Variants in RAD50 observed in about 807,000 individuals in gnomAD.
RAD50 encodes the protein RAD50 double strand break repair protein.
Under a neutral mutation model 168.8 loss-of-function variants are expected in RAD50, and 132 were observed. The observed-to-expected ratio is 0.78, with a 90% CI of 0.68 to 0.90. The LOEUF is 0.90. Ranked by LOEUF, RAD50 falls within the 40% of genes least tolerant of loss-of-function variation. The pLI, the probability that RAD50 is intolerant of heterozygous loss-of-function variation, is 0.00. For synonymous variants in RAD50, 525 were observed against 497.4 expected (o/e 1.06, Z -0.74); for missense variants, 1,347 against 1,534.4 (o/e 0.88, Z 2.04).
intron 21 of RAD50, among the ~76,000 whole-genome samples, chr5:132,634,745 TAAGA>T (rs1751541545): frequency 6.6e-6 from 1 of 152,194 alleles, no homozygotes. Flanking sequence ...ATTTTTCACT[TAAGA>T]TATTTTATCA....
At chr5:132,568,015 A>G (rs1474203123) in intron 2 of RAD50, among the ~76,000 whole-genome samples, 1 of 152,192 alleles carries the variant, frequency 6.6e-6, no homozygotes, top group South Asian at 2.1e-4. Context: ...GAGTAGAAGC[A>G]GATCCAGAGA....
At chr5:132,565,552 C>T (rs1031698172) in intron 2 of RAD50, among the ~76,000 whole-genome samples, 19 of 152,060 alleles carry the variant, frequency 1.2e-4, no homozygotes, top group African/African-American at 2.4e-4. Flanking sequence ...CCTCATTCCC[C>T]GCCCTTCTCT....
At chr5:132,606,770 C>G (rs1750993028) in intron 16 of RAD50, among the ~76,000 whole-genome samples, 1 of 152,190 alleles carries the variant, frequency 6.6e-6, no homozygotes, top group South Asian at 2.1e-4. Flanking sequence ...GCTTATCCAC[C>G]ACGATCAAGT....
rs556433563 is a variant in RAD50, at chr5:132,614,692, ATTAC to A, written c.3037-1308_3037-1305del. Among the ~76,000 whole-genome samples, 348 of 151,926 alleles carry A rather than the reference ATTAC, an allele frequency of 2.3e-3. 1 individual carries two copies. The highest frequency in any genetic ancestry group is 3.8e-3 in the Non-Finnish European group (261 of 67,950). On this transcript the variant is annotated intron_variant, in intron 19 of 24. Coordinates refer to ENST00000378823, the MANE Select transcript of RAD50 (RefSeq NM_005732.4). The stretch of plus-strand genomic sequence containing the variant: ...TAAATTTGTATTTTTTTATTGTACT[ATTAC>A]TTTTTATTTTTTTTCCCCAATATTT...
intron 13 of RAD50, 32 bp from the exon 14 acceptor site, chr5:132,603,268 A>T: frequency 6.4e-7 from 1 of 1,558,100 alleles, no homozygotes; most frequent in South Asian, 1.1e-5. Flanking sequence ...GAAACATCAG[A>T]TACTTTATTT....
intron 21 of RAD50, among the ~76,000 whole-genome samples, chr5:132,624,037 A>T (rs1751328946): frequency 6.6e-6 from 1 of 152,242 alleles, no homozygotes; most frequent in African/African-American, 2.4e-5. Flanking sequence ...GTTATTTTTT[A>T]AAAATAAATT....
In RAD50 at chr5:132,618,263, G is replaced by C. The variant is rs764770735; in HGVS notation, c.3358G>C (p.Asp1120His). ...GAGGACAACAGAACTTGTGAACAAGGATCTGGATATTTATTATAAGACTCT... is the reference window on the plus strand; with the variant it reads ...GAGGACAACAGAACTTGTGAACAAGCATCTGGATATTTATTATAAGACTCT... ...VMRTTELVNK[D>H]LDIYYKTLDQ... Residue 1120 changes from aspartate to histidine, a missense_variant, in exon 21 of 25, where the codon GAT becomes CAT. By Grantham distance (81) the Asp-to-His change is moderately conservative. Transcript: ENST00000378823. 37 of 1,613,890 alleles carry C rather than the reference G, an allele frequency of 2.3e-5. No individual in the cohort carries two copies. Among genetic ancestry groups the C allele is most frequent in the Non-Finnish European group, 3.1e-5 (36 of 1,179,966 alleles).
intron 2 of RAD50, among the ~76,000 whole-genome samples, chr5:132,568,378 C>T (rs957383897): frequency 2.0e-5 from 3 of 151,968 alleles, no homozygotes; most frequent in Non-Finnish European, 2.9e-5. Context: ...CCACGACGCC[C>T]GACCGGATTT....
At chr5:132,579,271 C>A in intron 3 of RAD50, 46 bp from the exon 4 acceptor site, 3 of 1,562,104 alleles carry the variant, frequency 1.9e-6, no homozygotes, top group Non-Finnish European at 2.6e-6. Context: ...AGAATAGATA[C>A]ACTGAAGGTT....
intron 13 of RAD50, among the ~76,000 whole-genome samples, chr5:132,602,078 T>C (rs1262494585): frequency 3.3e-5 from 5 of 152,070 alleles, no homozygotes; most frequent in Non-Finnish European, 7.4e-5. Flanking sequence ...TGTATACCTA[T>C]GTAACAAACC....
chr5:132,619,431 T>C (rs980336078), intron 21 of RAD50, among the ~76,000 whole-genome samples: 2 of 152,088 alleles, frequency 1.3e-5, no homozygotes, highest in Non-Finnish European at 2.9e-5. Flanking sequence ...ACAGAGTCTC[T>C]CTTTGTCACC....
chr5:132,605,536 G>T (rs557160279), intron 16 of RAD50, among the ~76,000 whole-genome samples: 2 of 152,050 alleles, frequency 1.3e-5, no homozygotes, highest in African/African-American at 4.8e-5. Context: ...CTAGAGACAG[G>T]GTCTCACTAT....
In RAD50 at chr5:132,643,061, C is replaced by A. The variant is rs1265574356; in HGVS notation, c.*697C>A. On this transcript the variant is annotated 3_prime_UTR_variant, in exon 25 of 25. Coordinates refer to ENST00000378823, the MANE Select transcript of RAD50 (RefSeq NM_005732.4). ...GAGAGGAAATTCTCCACTGTGCACACCCACCTTTGGAAAGCTCTGACCACT... is the reference window on the plus strand; with the variant it reads ...GAGAGGAAATTCTCCACTGTGCACAACCACCTTTGGAAAGCTCTGACCACT... 3.8e-6 allele frequency: 2 copies of A among 530,022 alleles called. No homozygotes were observed. The highest frequency in any genetic ancestry group is 3.8e-5 in the African/African-American group (2 of 52,788). 32.8% of individuals were successfully genotyped at this position (530,022 alleles called of 1,614,324 possible).
At chr5:132,558,714 CCCA>C in intron 1 of RAD50, among the ~76,000 whole-genome samples, 1 of 124,098 alleles carries the variant, frequency 8.1e-6, no homozygotes. Flanking sequence ...ACTCTCTCCC[CCCA>C]CAAAAAAAAA....
chr5:132,604,056 T>C lies in RAD50; in HGVS notation c.2524+10T>C, dbSNP rs564272433. 1 of 1,612,892 alleles carries C rather than the reference T, an allele frequency of 6.2e-7. No individual in the cohort carries two copies. Among genetic ancestry groups the C allele is most frequent in the East Asian group, 2.2e-5 (1 of 44,814 alleles). On this transcript the variant is annotated intron_variant, in intron 15 of 24. Transcript: ENST00000378823. ...CACAAGTTAGACACAGGTAATACAG[T>C]CTGTGTCCTTCTGTACTCATAGAGA... is the stretch of plus-strand genomic sequence containing the variant.
At chr5:132,627,793 G>A (rs1221016868) in intron 21 of RAD50, among the ~76,000 whole-genome samples, 1 of 152,192 alleles carries the variant, frequency 6.6e-6, no homozygotes, top group Non-Finnish European at 1.5e-5. Context: ...ACTGGCTGCT[G>A]GGTGTGGAGA....
At chr5:132,592,901 A>C (rs372728017) in intron 11 of RAD50, 6 of 470,944 alleles carry the variant, frequency 1.3e-5, no homozygotes, top group South Asian at 4.7e-5. Context: ...TTGGGCATCC[A>C]TCAAGTAGAA....
At position 132,573,813 on chromosome 5, in the gene RAD50, T is replaced by G. The variant is rs547904545; in HGVS notation, c.214-1964T>G. On this transcript the variant is annotated intron_variant, in intron 2 of 24. Coordinates refer to ENST00000378823, the MANE Select transcript of RAD50 (RefSeq NM_005732.4). ...CAAAACAAAGGGGCTACAGGCCCCG[T>G]GCAAGTCCGAAATTCAGTGGGGCAG... Among the ~76,000 whole-genome samples, 8 of 152,338 alleles carry G rather than the reference T, an allele frequency of 5.3e-5. No individual in the cohort carries two copies. The South Asian group carries it at 6.2e-4, about 12-fold the overall frequency.
intron 9 of RAD50, among the ~76,000 whole-genome samples, chr5:132,590,460 A>G (rs1750678611): frequency 2.6e-5 from 4 of 152,048 alleles, no homozygotes; most frequent in Non-Finnish European, 5.9e-5. Context: ...ACAGAGTGGG[A>G]CTCCATCTCA....
Sources: allele counts gnomAD v4.1 joint callset (sites outside exome capture counted in the v4.1 genomes callset), GRCh38; gene constraint gnomAD v4.1.1; transcripts MANE v1.5; gene names NCBI Gene and HGNC (gene_info 2026-07-23, HGNC 2026-07-21).